The following NHEJ1 variants were observed in gnomAD, a reference collection of about 807,000 sequenced individuals.
NHEJ1 encodes the protein non-homologous end-joining factor 1.
NHEJ1 carries 22 observed loss-of-function variants against 39.4 expected under a neutral mutation model. The ratio of observed to expected loss-of-function variants is 0.56; its 90% CI spans 0.40 to 0.80. NHEJ1 has a LOEUF of 0.80. NHEJ1 is among the 30% of genes least tolerant of loss of function. NHEJ1 has a pLI of 0.00. For missense variants in NHEJ1, 329 were observed against 357.1 expected (o/e 0.92, Z 0.63); for synonymous variants, 154 against 135.6 (o/e 1.14, Z -0.94).
rs1017766606 is a variant in NHEJ1 at position 219,070,179 on chromosome 2, C to T, written c.*6202G>A. Among the ~76,000 whole-genome samples, 2 of 152,042 alleles carry T rather than the reference C, an allele frequency of 1.3e-5. No homozygotes were observed. Among genetic ancestry groups the T allele is most frequent in the African/African-American group, 4.8e-5 (2 of 41,398 alleles). On this transcript the variant is annotated 3_prime_UTR_variant, in exon 8 of 8. Transcript: ENST00000356853. ...GGGACTACAGGCGCACATCACCACACTAATTTTTTTTTTATTTTTATTTTT... is the reference window on the plus strand; with the variant it reads ...GGGACTACAGGCGCACATCACCACATTAATTTTTTTTTTATTTTTATTTTT...
chr2:219,075,475 G>A lies in NHEJ1; in HGVS notation c.*906C>T, dbSNP rs1283614865. The stretch of plus-strand genomic sequence containing the variant: ...AATAAACCAGAAATTGGATAGGCGT[G>A]GTAGCTCATGCCTGTAATCCCAGCA... On this transcript the variant is annotated 3_prime_UTR_variant, in exon 8 of 8. Transcript: ENST00000356853. 3 of 152,136 alleles carry A rather than the reference G, an allele frequency of 2.0e-5. No individual in the cohort carries two copies. The highest frequency in any genetic ancestry group is 7.2e-5 in the African/African-American group (3 of 41,416). 9.4% of individuals were successfully genotyped at this position (152,136 alleles called of 1,614,324 possible).
chr2:219,160,009 G>A (rs951291436), intron 1 of NHEJ1, among the ~76,000 whole-genome samples: 2 of 152,090 alleles, frequency 1.3e-5, no homozygotes, highest in Non-Finnish European at 2.9e-5. Context: ...ACCAGACCCC[G>A]GCTGCCTGCT....
intron 1 of NHEJ1, chr2:219,158,743 C>T (rs1417184909): frequency 1.1e-5 from 3 of 279,214 alleles, no homozygotes; most frequent in Admixed American, 4.8e-5. Flanking sequence ...TATGTCACTC[C>T]TATCCTTTCC....
Position 219,076,410 on chromosome 2 carries a change from T to C in NHEJ1, c.871A>G (p.Arg291Gly), listed in dbSNP as rs761456335. Residue 291 changes from arginine (R) to glycine (G), a missense_variant, in exon 8 of 8, where the codon AGG becomes GGG. Coordinates refer to ENST00000356853, the MANE Select transcript of NHEJ1 (RefSeq NM_024782.3). ...LQRPQLSKVKRKKPRGLFS is the reference protein window; with the variant it reads ...LQRPQLSKVKGKKPRGLFS Reference sequence around the variant, plus strand: ...CTGAAGAGACCCCTTGGCTTCTTCCTCTTGACCTTTGACAGCTGAGGTCTC... The same window carrying C: ...CTGAAGAGACCCCTTGGCTTCTTCCCCTTGACCTTTGACAGCTGAGGTCTC... 1 of 1,614,116 alleles carries C rather than the reference T, an allele frequency of 6.2e-7. No homozygotes were observed. Among genetic ancestry groups the C allele is most frequent in the South Asian group, 1.1e-5 (1 of 91,074 alleles).
chr2:219,106,711 C>T (rs1574716013), intron 5 of NHEJ1, among the ~76,000 whole-genome samples: 1 of 152,080 alleles, frequency 6.6e-6, no homozygotes, highest in South Asian at 2.1e-4. Context: ...CAAAATGTAG[C>T]GCCATACTCA....
chr2:219,110,520 CAA>C (rs764285552), intron 5 of NHEJ1, among the ~76,000 whole-genome samples: 4 of 69,634 alleles, frequency 5.7e-5, no homozygotes, highest in Admixed American at 1.8e-4. Context: ...GAGATGCTGC[CAA>C]AAAAAAAAAA....
intron 5 of NHEJ1, 99 bp downstream of exon 5, chr2:219,146,581 C>T (rs1389275365): frequency 5.4e-6 from 5 of 932,398 alleles, no homozygotes; most frequent in Non-Finnish European, 8.9e-6. Context: ...GGCATTCCAA[C>T]CACACAAGCC....
intron 7 of NHEJ1, 54 bp downstream of exon 7, chr2:219,077,192 G>A (rs937836978): frequency 3.1e-6 from 4 of 1,304,576 alleles, no homozygotes; most frequent in Admixed American, 1.7e-5. Flanking sequence ...ACTGGCTTGG[G>A]GGCTATAGGT....
At chr2:219,156,257 T>G (rs552306396) in intron 3 of NHEJ1, among the ~76,000 whole-genome samples, 1 of 151,782 alleles carries the variant, frequency 6.6e-6, no homozygotes, top group African/African-American at 2.4e-5. Flanking sequence ...TCAAAAAAAA[T>G]AAATAAAATA....
At position 219,076,377 on chromosome 2, in the gene NHEJ1, C is replaced by T; in HGVS notation, c.*4G>A. The T allele has an allele frequency of 6.2e-7, 1 of 1,614,056 alleles. No individual in the cohort carries two copies. ...CCATCCTCAGCAGCTGAGGCCACAA[C>T]AGATTAACTGAAGAGACCCCTTGGC... On this transcript the variant is annotated 3_prime_UTR_variant, in exon 8 of 8. Transcript: ENST00000356853.
chr2:219,133,283 G>A (rs1438662195), intron 5 of NHEJ1, among the ~76,000 whole-genome samples: 5 of 152,250 alleles, frequency 3.3e-5, no homozygotes, highest in African/African-American at 1.2e-4. Flanking sequence ...TGGGTATATG[G>A]TTAAAATTAT....
intron 5 of NHEJ1, among the ~76,000 whole-genome samples, chr2:219,106,956 C>T (rs562380270): frequency 1.3e-5 from 2 of 152,270 alleles, no homozygotes; most frequent in South Asian, 2.1e-4. Flanking sequence ...TTTCCTATTT[C>T]CCATTCTACT....
At chr2:219,144,194 T>A (rs1949715001) in intron 5 of NHEJ1, among the ~76,000 whole-genome samples, 1 of 152,068 alleles carries the variant, frequency 6.6e-6, no homozygotes, top group Non-Finnish European at 1.5e-5. Context: ...CAACACTGTA[T>A]CCACAGGCCA....
At chr2:219,130,365 A>C (rs1302355923) in intron 5 of NHEJ1, among the ~76,000 whole-genome samples, 2 of 152,038 alleles carry the variant, frequency 1.3e-5, no homozygotes, top group Non-Finnish European at 2.9e-5. Context: ...TGGTCCTCCC[A>C]GGTGGTTCTG....
chr2:219,121,639 G>A (rs954973968), intron 5 of NHEJ1, among the ~76,000 whole-genome samples: 1 of 151,578 alleles, frequency 6.6e-6, no homozygotes, highest in East Asian at 2.0e-4. Context: ...CCAGGAGTTT[G>A]AGACCAGCCT....
At chr2:219,128,897 A>G (rs1158136747) in intron 5 of NHEJ1, among the ~76,000 whole-genome samples, 2 of 152,248 alleles carry the variant, frequency 1.3e-5, no homozygotes, top group African/African-American at 2.4e-5. Flanking sequence ...CCCAGTACCT[A>G]GTCCATACAA....
In NHEJ1 at chr2:219,069,954, T is replaced by C. The variant is rs917842310; in HGVS notation, c.*6427A>G. The C allele has an allele frequency of 6.6e-6, 1 of 152,234 alleles. No homozygotes were observed. Among genetic ancestry groups the C allele is most frequent in the Non-Finnish European group, 1.5e-5 (1 of 68,042 alleles). 9.4% of individuals were successfully genotyped at this position (152,234 alleles called of 1,614,324 possible). ...ATGGCACTGGCTTGTAGGAAATGTA[T>C]TGGGAATGAGATAGAGAAATCCACA... On this transcript the variant is annotated 3_prime_UTR_variant, in exon 8 of 8. Coordinates refer to ENST00000356853, the MANE Select transcript of NHEJ1 (RefSeq NM_024782.3).
chr2:219,158,480 A>G (rs1303698672), intron 1 of NHEJ1, 118 bp from the exon 2 acceptor site: 1 of 920,932 alleles, frequency 1.1e-6, no homozygotes, highest in East Asian at 2.5e-5. Context: ...GATAAAATAG[A>G]AGGCATGGAT....
intron 5 of NHEJ1, among the ~76,000 whole-genome samples, chr2:219,103,056 C>T (rs1949279984): frequency 6.8e-6 from 1 of 146,466 alleles, no homozygotes; most frequent in Non-Finnish European, 1.5e-5. Context: ...TGGTGGGTGC[C>T]TGTAATCCCA....
Sources: gnomAD v4.1 joint callset for allele counts (sites outside exome capture counted in the v4.1 genomes callset) on GRCh38, gnomAD v4.1.1 for gene constraint, MANE v1.5 for transcripts, NCBI Gene and HGNC (gene_info 2026-07-23, HGNC 2026-07-21) for gene names.